Variants in PTCHD1 observed in about 807,000 individuals in gnomAD.
PTCHD1 encodes patched domain-containing protein 1.
In PTCHD1, 3 loss-of-function variants were observed where a neutral mutation model predicts 34.6. That is an observed-to-expected ratio of 0.09 (90% CI 0.04 to 0.22). The LOEUF is 0.22. Among genes scored for constraint, PTCHD1 ranks in the 10% least tolerant of loss-of-function variants. The probability of loss-of-function intolerance (pLI) is 1.00; values close to 1 mark genes in which losing one functional copy is unlikely to be tolerated. For synonymous variants in PTCHD1, 305 were observed against 283.1 expected (o/e 1.08, Z -0.77); for missense variants, 504 against 685.5 (o/e 0.74, Z 2.96).
Position 23,401,396 on chromosome X carries a change from T to C in PTCHD1, c.*7211T>C, listed in dbSNP as rs1923120407. ...TCTTTAAATTACCATCCTGTCAAAA[T>C]TGCCTTTACGCACTGATCCAGAATC... On this transcript the variant is annotated 3_prime_UTR_variant, in exon 3 of 3. Coordinates refer to ENST00000379361, the MANE Select transcript of PTCHD1 (RefSeq NM_173495.3). The C allele has an allele frequency of 1.8e-5, 2 of 112,488 alleles. No individual in the cohort carries two copies. Among genetic ancestry groups the C allele is most frequent in the South Asian group, 7.4e-4 (2 of 2,720 alleles). The allele number at this position is 112,488 out of a possible 1,213,427, so 9.3% of individuals were successfully genotyped here.
At chrX:23,334,538 C>A (rs1381869699), upstream of PTCHD1, 2 of 107,516 alleles carry the variant, frequency 1.9e-5, no homozygotes, top group Non-Finnish European at 3.9e-5. Flanking sequence ...CCGCGCGGCG[C>A]GGAGCCCCCC....
chrX:23,354,942 C>G (rs996007771), intron 1 of PTCHD1, among the ~76,000 whole-genome samples: 4 of 107,657 alleles, frequency 3.7e-5, no homozygotes, highest in Non-Finnish European at 7.7e-5. Flanking sequence ...AAGTTGTCTC[C>G]TAAAGTCCAC....
At chrX:23,373,998 A>G (rs1422515712) in intron 1 of PTCHD1, among the ~76,000 whole-genome samples, 1 of 111,191 alleles carries the variant, frequency 9.0e-6, no homozygotes. Flanking sequence ...TTTTTAATGT[A>G]TGCAGCTTAT....
At chrX:23,374,862 G>A (rs937229830) in intron 1 of PTCHD1, among the ~76,000 whole-genome samples, 3 of 111,622 alleles carry the variant, frequency 2.7e-5, no homozygotes, top group Non-Finnish European at 5.6e-5. Context: ...ATATTAGCTA[G>A]ACCAACACCC....
intron 1 of PTCHD1, among the ~76,000 whole-genome samples, chrX:23,350,060 TAAAAAAAAAAAAAAAA>T (rs57194123): frequency 7.4e-5 from 3 of 40,414 alleles, no homozygotes; most frequent in Admixed American, 3.8e-4. Flanking sequence ...TTAGTGCTGT[TAAAAAAAAAAAAAAAA>T]AAAAAAAAAA....
chrX:23,375,638 T>C (rs1033081735), intron 1 of PTCHD1, among the ~76,000 whole-genome samples: 10 of 111,712 alleles, frequency 9.0e-5, no homozygotes, highest in Non-Finnish European at 1.7e-4. Context: ...GCTGAATTTG[T>C]TGGTGTATGC....
intron 1 of PTCHD1, among the ~76,000 whole-genome samples, chrX:23,337,922 A>T (rs1321106219): frequency 1.8e-5 from 2 of 111,392 alleles, no homozygotes; most frequent in African/African-American, 6.5e-5. Flanking sequence ...CTATTTGCTG[A>T]CAAAAAAAAA....
chrX:23,337,517 CT>C lies in PTCHD1; in HGVS notation c.351+2303del, dbSNP rs35578499. Among the ~76,000 whole-genome samples the C allele has an allele frequency of 6.7e-3, 685 of 102,296 alleles. 3 individuals carry two copies. Among genetic ancestry groups the C allele is most frequent in the Middle Eastern group, 0.026 (5 of 195 alleles). 88.8% of individuals were successfully genotyped at this position (102,296 alleles called of 115,157 possible). A position where few individuals can be genotyped will look rare whatever the true frequency, so the allele number is the denominator to read the frequency against. Reference sequence around the variant, plus strand: ...GTAATGTAAAGTGTGGGAGTGAGCACTTTTTTTTTTTTAATTTTTTTCATTT... The same window carrying C: ...GTAATGTAAAGTGTGGGAGTGAGCACTTTTTTTTTTTAATTTTTTTCATTT... On this transcript the variant is annotated intron_variant, in intron 1 of 2. Transcript: ENST00000379361.
At chrX:23,358,495 T>C (rs1489225958) in intron 1 of PTCHD1, among the ~76,000 whole-genome samples, 2 of 111,157 alleles carry the variant, frequency 1.8e-5, no homozygotes, top group South Asian at 7.5e-4. Flanking sequence ...GATGGGGTTG[T>C]TTGTTTTTTT....
rs1923020592 is a variant in PTCHD1, at chrX:23,397,559, T to G, written c.*3374T>G. 8.9e-6 allele frequency: 1 copy of G among 112,385 alleles called. No homozygotes were observed. The highest frequency in any genetic ancestry group is 3.2e-5 in the African/African-American group (1 of 30,901). 9.3% of individuals were successfully genotyped at this position (112,385 alleles called of 1,213,427 possible). ...GTTTGTGGTTTGTGTTTGCTTGTGT[T>G]TGCTTCTGCCTTTCCTACCTTCTGC... On this transcript the variant is annotated 3_prime_UTR_variant, in exon 3 of 3. Transcript: ENST00000379361.
intron 1 of PTCHD1, among the ~76,000 whole-genome samples, chrX:23,365,620 A>G (rs1014826196): frequency 1.8e-5 from 2 of 111,705 alleles, no homozygotes; most frequent in Non-Finnish European, 3.8e-5. Flanking sequence ...ACTCACCCCA[A>G]AGTGATCCCA....
rs761301286 is a variant in PTCHD1, at chrX:23,401,023, TTG to T, written c.*6872_*6873del. 0.013 allele frequency: 1,188 copies of T among 94,197 alleles called. 8 individuals are homozygous for T. The highest frequency in any genetic ancestry group is 0.013 in the African/African-American group (307 of 24,509). The allele number at this position is 94,197 out of a possible 1,213,427, so 7.8% of individuals were successfully genotyped here. ...GGTGCCCGCCACCGCGCCCGGCTAA[TTG>T]TGTGTGTGTGTGTGTGTGTGTGTGT... On this transcript the variant is annotated 3_prime_UTR_variant, in exon 3 of 3. Coordinates refer to ENST00000379361, the MANE Select transcript of PTCHD1 (RefSeq NM_173495.3).
chrX:23,378,736 GT>G (rs1325533031), intron 1 of PTCHD1, among the ~76,000 whole-genome samples: 1 of 112,413 alleles, frequency 8.9e-6, no homozygotes, highest in Non-Finnish European at 1.9e-5. Context: ...GATTAAATGA[GT>G]TTATCTGTAT....
intron 1 of PTCHD1, among the ~76,000 whole-genome samples, chrX:23,358,983 A>C (rs1467375082): frequency 9.0e-6 from 1 of 111,721 alleles, no homozygotes; most frequent in East Asian, 2.8e-4. Context: ...TTTCTGAGGC[A>C]TCTGTTCTGT....
chrX:23,337,023 C>T (rs1921188171), intron 1 of PTCHD1, among the ~76,000 whole-genome samples: 1 of 111,401 alleles, frequency 9.0e-6, no homozygotes, highest in Non-Finnish European at 1.9e-5. Flanking sequence ...TCACCAGTTA[C>T]AGTCACTCTC....
rs200631697 is a variant in PTCHD1 at position 23,380,571 on chromosome X, AG to A, written c.1012+321del. On this transcript the variant is annotated intron_variant, in intron 2 of 2. Coordinates refer to ENST00000379361, the MANE Select transcript of PTCHD1 (RefSeq NM_173495.3). ...CCCCATAAGCAGGGCCCTGAGAAAA[AG>A]ATTTGGATACAAGTAGTGTATTTGG... Among the ~76,000 whole-genome samples, 187 of 111,356 alleles carry A rather than the reference AG, an allele frequency of 1.7e-3. 2 individuals are homozygous for A. Among genetic ancestry groups the A allele is most frequent in the African/African-American group, 5.8e-3 (177 of 30,622 alleles).
rs1417486824 is a variant in PTCHD1, at chrX:23,395,022, G to A, written c.*837G>A. On this transcript the variant is annotated 3_prime_UTR_variant, in exon 3 of 3. Transcript: ENST00000379361. ...TCTGCTTTATTAGTTACAGCTCTTG[G>A]CAGGAGGATCCAGGGACCCAAAACC... 8.9e-6 allele frequency: 1 copy of A among 111,904 alleles called. No individual in the cohort carries two copies. The highest frequency in any genetic ancestry group is 2.8e-4 in the East Asian group (1 of 3,589). The allele number at this position is 111,904 out of a possible 1,213,427, so 9.2% of individuals were successfully genotyped here.
intron 1 of PTCHD1, among the ~76,000 whole-genome samples, chrX:23,378,055 A>T (rs1025844642): frequency 8.9e-6 from 1 of 111,998 alleles, no homozygotes; most frequent in Non-Finnish European, 1.9e-5. Context: ...CTCAGTGCTA[A>T]GCACAGTCGT....
intron 1 of PTCHD1, among the ~76,000 whole-genome samples, chrX:23,350,361 A>G (rs930562686): frequency 4.7e-4 from 53 of 111,765 alleles, no homozygotes; most frequent in Non-Finnish European, 9.4e-4. Flanking sequence ...AGAATTAATA[A>G]GACTTCAAGA....
Sources: allele counts gnomAD v4.1 joint callset (sites outside exome capture counted in the v4.1 genomes callset), GRCh38; gene constraint gnomAD v4.1.1; transcripts MANE v1.5; gene names NCBI Gene and HGNC (gene_info 2026-07-23, HGNC 2026-07-21).